The following UBE2V2 variants were observed in gnomAD, a reference collection of about 807,000 sequenced individuals.
UBE2V2 encodes ubiquitin conjugating enzyme E2 V2, also known as ubiquitin-conjugating enzyme E2 variant 2.
UBE2V2 carries 9 observed loss-of-function variants against 17.2 expected under a neutral mutation model. That is an observed-to-expected ratio of 0.52 (90% confidence interval 0.32 to 0.91). The LOEUF (loss-of-function observed/expected upper bound fraction) is 0.91, where lower values mean the gene tolerates loss of function less well. Among genes scored for constraint, UBE2V2 ranks in the 40% least tolerant of loss-of-function variants. The pLI is 0.04. For missense variants in UBE2V2, 133 were observed against 182.6 expected (o/e 0.73, Z 1.56); for synonymous variants, 61 against 57.5 (o/e 1.06, Z -0.28).
At chr8:48,015,419 G>A (rs2091262096) in intron 1 of UBE2V2, among the ~76,000 whole-genome samples, 1 of 152,094 alleles carries the variant, frequency 6.6e-6, no homozygotes, top group Non-Finnish European at 1.5e-5. Flanking sequence ...ATGTTTTGAA[G>A]TACATTATCT....
chr8:48,008,364 G>A (rs1263037810), upstream of UBE2V2: 5 of 1,497,718 alleles, frequency 3.3e-6, no homozygotes, highest in East Asian at 2.9e-5. Flanking sequence ...GGCGGAGTCC[G>A]CTGTGACGCG....
rs771072960 is a variant in UBE2V2 at position 48,008,438 on chromosome 8, T to C, written c.-17T>C. On this transcript the variant is annotated 5_prime_UTR_variant, in exon 1 of 4. Coordinates refer to ENST00000523111, the MANE Select transcript of UBE2V2 (RefSeq NM_003350.3). ...TCGTGCGTGCGTGCGGGCGGCTGCG[T>C]CGGGCTGCAGGAGAAGATGGCGGTC... 2.0e-5 allele frequency: 32 copies of C among 1,565,018 alleles called. No homozygotes were observed. In the East Asian group the frequency reaches 3.9e-4, roughly 19 times the overall value.
At chr8:48,008,935 G>A (rs946794959) in intron 1 of UBE2V2, among the ~76,000 whole-genome samples, 1 of 152,180 alleles carries the variant, frequency 6.6e-6, no homozygotes, top group Non-Finnish European at 1.5e-5. Flanking sequence ...GGGTTGGGGA[G>A]TAGAGGACGA....
rs1174373385 is a variant in UBE2V2, at chr8:48,062,518, G to T, written c.*1690G>T. The T allele has an allele frequency of 6.6e-6, 1 of 151,220 alleles. No homozygotes were observed. The highest frequency in any genetic ancestry group is 1.5e-5 in the Non-Finnish European group (1 of 67,930). 9.4% of individuals were successfully genotyped at this position (151,220 alleles called of 1,614,324 possible). ...TGGGCAGGAGAACTACTTGAAACTG[G>T]CAGACAGAGGTTGCAGTGCCGAGAG... On this transcript the variant is annotated 3_prime_UTR_variant, in exon 4 of 4. Coordinates refer to ENST00000523111, the MANE Select transcript of UBE2V2 (RefSeq NM_003350.3).
intron 1 of UBE2V2, among the ~76,000 whole-genome samples, chr8:48,020,218 G>A (rs534493222): frequency 3.0e-4 from 46 of 152,044 alleles, no homozygotes; most frequent in African/African-American, 9.9e-4. Context: ...TATATTTTTT[G>A]TAGAGATGGG....
intron 1 of UBE2V2, among the ~76,000 whole-genome samples, chr8:48,010,729 G>A (rs1481078166): frequency 1.5e-5 from 2 of 133,142 alleles, no homozygotes; most frequent in Non-Finnish European, 3.1e-5. Flanking sequence ...TGAGTCTCTC[G>A]CTTCTTTGCC....
At position 48,019,145 on chromosome 8, in the gene UBE2V2, G is replaced by GC. The variant is rs1396499992; in HGVS notation, c.16+10676dup. Among the ~76,000 whole-genome samples, 3 of 152,076 alleles carry GC rather than the reference G, an allele frequency of 2.0e-5. No individual in the cohort carries two copies. The East Asian group carries it at 5.8e-4, about 30-fold the overall frequency. On this transcript the variant is annotated intron_variant, in intron 1 of 3. Coordinates refer to ENST00000523111, the MANE Select transcript of UBE2V2 (RefSeq NM_003350.3). ...ACTTTGAGAGGCCAAGGCAGGTGGA[G>GC]CACGAGGTTGGGAGTTCAAGACCAG...
At chr8:48,059,770 A>T (rs1478445695) in intron 3 of UBE2V2, among the ~76,000 whole-genome samples, 1 of 152,100 alleles carries the variant, frequency 6.6e-6, no homozygotes, top group Non-Finnish European at 1.5e-5. Flanking sequence ...GTGAGTGAAG[A>T]TATGTGAGCT....
intron 3 of UBE2V2, among the ~76,000 whole-genome samples, chr8:48,053,164 T>C (rs568730964): frequency 2.6e-5 from 4 of 152,318 alleles, no homozygotes; most frequent in East Asian, 1.9e-4. Flanking sequence ...ATTACAGGCA[T>C]GAGCCACCGC....
chr8:48,001,750 G>A, the UBE2V2 span, among the ~76,000 whole-genome samples: 2 of 152,134 alleles, frequency 1.3e-5, no homozygotes, highest in African/African-American at 2.4e-5. Context: ...AAATATATAA[G>A]GAACTCAAAC....
intron 1 of UBE2V2, among the ~76,000 whole-genome samples, chr8:48,040,871 G>A (rs1366330232): frequency 1.1e-5 from 1 of 87,100 alleles, no homozygotes; most frequent in African/African-American, 4.1e-5. Flanking sequence ...TTTTTTGTGT[G>A]TGTGTGTGTG....
At chr8:48,054,473 T>C (rs185816710) in intron 3 of UBE2V2, among the ~76,000 whole-genome samples, 24 of 152,330 alleles carry the variant, frequency 1.6e-4, no homozygotes, top group Admixed American at 2.0e-4. Context: ...TTAATCATTA[T>C]TGGAGTGTAG....
At chr8:48,016,711 A>G (rs1037625285) in intron 1 of UBE2V2, among the ~76,000 whole-genome samples, 2 of 148,424 alleles carry the variant, frequency 1.3e-5, no homozygotes, top group Admixed American at 6.8e-5. Flanking sequence ...CGAACTCCCA[A>G]CCTCAGGTGA....
At chr8:48,055,971 G>GATGGTCTGTA (rs2091569043) in intron 3 of UBE2V2, among the ~76,000 whole-genome samples, 1 of 151,924 alleles carries the variant, frequency 6.6e-6, no homozygotes, top group Non-Finnish European at 1.5e-5. Flanking sequence ...TGTTAGCCAG[G>GATGGTCTGTA]ATGGTCTGTA....
At chr8:48,046,130 T>A (rs997801314) in intron 2 of UBE2V2, among the ~76,000 whole-genome samples, 2 of 152,018 alleles carry the variant, frequency 1.3e-5, no homozygotes, top group Non-Finnish European at 2.9e-5. Context: ...ATTTTTATTT[T>A]TTTTTTTGAG....
At chr8:48,022,661 C>T (rs2091313568) in intron 1 of UBE2V2, among the ~76,000 whole-genome samples, 1 of 152,140 alleles carries the variant, frequency 6.6e-6, no homozygotes. Context: ...AAGAACTTCC[C>T]ATAGCATTTC....
intron 2 of UBE2V2, among the ~76,000 whole-genome samples, chr8:48,049,248 T>C (rs573853647): frequency 6.6e-6 from 1 of 152,320 alleles, no homozygotes; most frequent in Non-Finnish European, 1.5e-5. Context: ...AAAATAATTA[T>C]GTTTTATTGC....
At chr8:48,052,824 T>A (rs1485088489) in intron 3 of UBE2V2, among the ~76,000 whole-genome samples, 1 of 152,194 alleles carries the variant, frequency 6.6e-6, no homozygotes, top group Non-Finnish European at 1.5e-5. Flanking sequence ...TTTCGTTTGG[T>A]CTCAAGACCT....
chr8:48,006,363 A>G (rs962440136), upstream of UBE2V2, among the ~76,000 whole-genome samples: 14 of 152,216 alleles, frequency 9.2e-5, 1 homozygote, highest in Admixed American at 7.9e-4. Context: ...GTTCTGTTCC[A>G]TTGATCTATA....
Sources: allele counts gnomAD v4.1 joint callset (sites outside exome capture counted in the v4.1 genomes callset), GRCh38; gene constraint gnomAD v4.1.1; transcripts MANE v1.5; gene names NCBI Gene and HGNC (gene_info 2026-07-23, HGNC 2026-07-21).